RBFOX1: variants seen among roughly 807,000 people sequenced by gnomAD.
RBFOX1 encodes RNA binding fox-1 homolog 1.
Under a neutral mutation model 57.7 loss-of-function variants are expected in RBFOX1, and 8 were observed. The ratio of observed to expected loss-of-function variants is 0.14; its 90% CI spans 0.08 to 0.25. The LOEUF (loss-of-function observed/expected upper bound fraction) is 0.25, where lower values mean the gene tolerates loss of function less well. RBFOX1 is among the 10% of genes least tolerant of loss of function. The probability of loss-of-function intolerance (pLI) is 1.00; values close to 1 mark genes in which losing one functional copy is unlikely to be tolerated. For synonymous variants in RBFOX1, 326 were observed against 222.4 expected, an observed-to-expected ratio of 1.47 and a Z score of -4.15; for missense variants, 611 against 548.5, an observed-to-expected ratio of 1.11 and a Z score of -1.14.
chr16:5,474,398 G>C (rs1377104257), intron 2 of RBFOX1, among the ~76,000 whole-genome samples: 1 of 152,152 alleles, frequency 6.6e-6, no homozygotes, highest in Admixed American at 6.5e-5. Flanking sequence ...TCACTCCTGT[G>C]ATCCCAGCAC....
At chr16:6,196,731 C>G (rs542982472) in intron 1 of RBFOX1, among the ~76,000 whole-genome samples, 3 of 150,976 alleles carry the variant, frequency 2.0e-5, no homozygotes, top group Middle Eastern at 3.5e-3. Context: ...GCAATTTATC[C>G]TTAATACAAG....
chr16:6,006,353 T>C (rs558518756), intron 4 of RBFOX1, among the ~76,000 whole-genome samples: 6 of 149,438 alleles, frequency 4.0e-5, no homozygotes, highest in African/African-American at 1.5e-4. Context: ...CACACAAGGA[T>C]TTGTTTGAGC....
chr16:7,204,520 C>G (rs2089495160), intron 4 of RBFOX1, among the ~76,000 whole-genome samples: 1 of 152,082 alleles, frequency 6.6e-6, no homozygotes, highest in Non-Finnish European at 1.5e-5. Context: ...GTGATATGCA[C>G]CTGTAGTCCC....
intron 2 of RBFOX1, among the ~76,000 whole-genome samples, chr16:6,603,657 G>C (rs1015173657): frequency 6.6e-6 from 1 of 152,192 alleles, no homozygotes; most frequent in Non-Finnish European, 1.5e-5. Context: ...TGCACCACTA[G>C]GCTGACTGTA....
chr16:6,597,546 G>A (rs757235734), intron 2 of RBFOX1, among the ~76,000 whole-genome samples: 11 of 152,110 alleles, frequency 7.2e-5, no homozygotes, highest in East Asian at 3.9e-4. Context: ...GGTTGCAGGC[G>A]CCTGTAGTCC....
intron 1 of RBFOX1, among the ~76,000 whole-genome samples, chr16:5,286,567 G>T (rs1236240157): frequency 6.6e-6 from 1 of 152,184 alleles, no homozygotes; most frequent in African/African-American, 2.4e-5. Context: ...TACCCTCACA[G>T]CTCTGCATGA....
intron 4 of RBFOX1, among the ~76,000 whole-genome samples, chr16:7,431,512 T>C (rs1468139868): frequency 6.6e-6 from 1 of 152,152 alleles, no homozygotes; most frequent in African/African-American, 2.4e-5. Flanking sequence ...AAGTGTGGGA[T>C]TATGGGCGTG....
chr16:5,773,973 T>C (rs1489514310), intron 3 of RBFOX1, among the ~76,000 whole-genome samples: 2 of 152,208 alleles, frequency 1.3e-5, no homozygotes, highest in Non-Finnish European at 2.9e-5. Flanking sequence ...ATTATAGGCC[T>C]GAGCCACCAT....
At chr16:5,944,051 A>G (rs1474086172) in intron 4 of RBFOX1, among the ~76,000 whole-genome samples, 1 of 139,368 alleles carries the variant, frequency 7.2e-6, no homozygotes, top group Admixed American at 6.8e-5. Flanking sequence ...TCATCAATCC[A>G]TCCATCCATC....
intron 3 of RBFOX1, among the ~76,000 whole-genome samples, chr16:6,831,425 CAT>C (rs2092701375): frequency 6.6e-6 from 1 of 152,170 alleles, no homozygotes; most frequent in Non-Finnish European, 1.5e-5. Context: ...TACTCTGAAA[CAT>C]ATTTAACCAC....
chr16:5,856,175 C>A (rs1567630594), intron 3 of RBFOX1, among the ~76,000 whole-genome samples: 2 of 57,736 alleles, frequency 3.5e-5, no homozygotes, highest in African/African-American at 6.5e-5. Flanking sequence ...CTCTCTCTCT[C>A]TCTCTCTCTC....
intron 1 of RBFOX1, among the ~76,000 whole-genome samples, chr16:6,083,373 GATCCCTCATATTTAA>G (rs2096037108): frequency 6.6e-6 from 1 of 152,192 alleles, no homozygotes; most frequent in Non-Finnish European, 1.5e-5. Flanking sequence ...AGACTCAGAA[GATCCCTCATATTTAA>G]AACATGTGTT....
chr16:6,539,806 GACACACAC>G (rs35407844), intron 2 of RBFOX1, among the ~76,000 whole-genome samples: 13 of 136,324 alleles, frequency 9.5e-5, no homozygotes, highest in East Asian at 2.7e-4. Context: ...TCAAAACACA[GACACACAC>G]ACACACACAC....
chr16:6,540,825 G>C (rs534964262), intron 2 of RBFOX1, among the ~76,000 whole-genome samples: 1 of 151,778 alleles, frequency 6.6e-6, no homozygotes, highest in African/African-American at 2.4e-5. Flanking sequence ...TTTTTTGCTA[G>C]TGAAACTACC....
intron 4 of RBFOX1, among the ~76,000 whole-genome samples, chr16:7,401,789 G>C (rs1035881751): frequency 6.6e-6 from 1 of 152,098 alleles, no homozygotes; most frequent in Non-Finnish European, 1.5e-5. Context: ...AGATGTCATA[G>C]GCCCAGCTTC....
chr16:6,470,503 C>G (rs140002130), intron 2 of RBFOX1, among the ~76,000 whole-genome samples: 11 of 152,302 alleles, frequency 7.2e-5, no homozygotes, highest in African/African-American at 2.6e-4. Context: ...GTCAGTCTTT[C>G]TATTCTTCCA....
intron 2 of RBFOX1, among the ~76,000 whole-genome samples, chr16:6,589,640 C>G (rs751353667): frequency 6.6e-6 from 1 of 152,188 alleles, no homozygotes; most frequent in Non-Finnish European, 1.5e-5. Flanking sequence ...CTGCAGGACT[C>G]CTAAATCATA....
intron 2 of RBFOX1, among the ~76,000 whole-genome samples, chr16:6,372,051 A>C (rs2090502527): frequency 2.0e-5 from 3 of 152,332 alleles, no homozygotes; most frequent in South Asian, 4.1e-4. Context: ...GTTGAATGAA[A>C]GGATGGTTGG....
chr16:6,522,679 G>A (rs537827757), intron 2 of RBFOX1, among the ~76,000 whole-genome samples: 3 of 152,188 alleles, frequency 2.0e-5, no homozygotes, highest in East Asian at 1.9e-4. Context: ...TAATCTTTAG[G>A]TACAGTACCT....
Sources: allele counts gnomAD v4.1 joint callset (sites outside exome capture counted in the v4.1 genomes callset), GRCh38; gene constraint gnomAD v4.1.1; transcripts MANE v1.5; gene names NCBI Gene and HGNC (gene_info 2026-07-23, HGNC 2026-07-21).